The following ZFPM2 variants were observed in gnomAD, a reference collection of about 807,000 sequenced individuals.
The protein encoded by ZFPM2 is zinc finger protein ZFPM2.
ZFPM2 carries 20 observed loss-of-function variants against 98.6 expected under a neutral mutation model. The observed-to-expected ratio is 0.20, with a 90% CI of 0.14 to 0.29. The LOEUF (loss-of-function observed/expected upper bound fraction) is 0.29, where lower values mean the gene tolerates loss of function less well. Among genes scored for constraint, ZFPM2 ranks in the 10% least tolerant of loss-of-function variants. The pLI is 1.00. For synonymous variants in ZFPM2, 518 were observed against 502.7 expected, an observed-to-expected ratio of 1.03 and a Z score of -0.41; for missense variants, 1,310 against 1,388.6, an observed-to-expected ratio of 0.94 and a Z score of 0.90.
intron 6 of ZFPM2, among the ~76,000 whole-genome samples, chr8:105,793,976 G>A (rs779740409): frequency 7.2e-5 from 11 of 152,020 alleles, no homozygotes; most frequent in Admixed American, 3.3e-4. Context: ...TTATACATTC[G>A]TCTAAATTTT....
chr8:105,528,713 A>T (rs761755030), intron 3 of ZFPM2, among the ~76,000 whole-genome samples: 1 of 152,140 alleles, frequency 6.6e-6, no homozygotes, highest in Non-Finnish European at 1.5e-5. Context: ...TGAATTTGAG[A>T]CTATTATACT....
chr8:105,599,003 A>G (rs1458897436), intron 4 of ZFPM2, among the ~76,000 whole-genome samples: 2 of 152,174 alleles, frequency 1.3e-5, no homozygotes, highest in African/African-American at 2.4e-5. Flanking sequence ...ATCAGATTCT[A>G]ATCACACTAG....
chr8:105,635,279 C>G (rs1816824841), intron 5 of ZFPM2, among the ~76,000 whole-genome samples: 2 of 151,868 alleles, frequency 1.3e-5, no homozygotes, highest in African/African-American at 4.8e-5. Flanking sequence ...AAATAAGCAC[C>G]CCATCAATAT....
intron 1 of ZFPM2, among the ~76,000 whole-genome samples, chr8:105,402,439 A>G (rs770414713): frequency 6.6e-6 from 1 of 152,114 alleles, no homozygotes; most frequent in South Asian, 2.1e-4. Context: ...ATTCAATGGT[A>G]TCTGAAAATA....
intron 1 of ZFPM2, among the ~76,000 whole-genome samples, chr8:105,347,561 T>C (rs1376641426): frequency 3.3e-5 from 5 of 152,144 alleles, no homozygotes. Context: ...CATCTAGTAG[T>C]ATGAAGCAGG....
At chr8:105,617,124 T>TAGCCACTG (rs1382840755) in intron 4 of ZFPM2, among the ~76,000 whole-genome samples, 2 of 146,788 alleles carry the variant, frequency 1.4e-5, no homozygotes, top group Non-Finnish European at 3.0e-5. Context: ...CTCTAGAACT[T>TAGCCACTG]AGCCACTGTG....
chr8:105,429,721 C>G (rs1370787035), intron 2 of ZFPM2, among the ~76,000 whole-genome samples: 1 of 144,144 alleles, frequency 6.9e-6, no homozygotes, highest in Non-Finnish European at 1.5e-5. Flanking sequence ...AAAAAATGGA[C>G]AGGGAAAGTA....
At chr8:105,742,379 T>TAA (rs79123129) in intron 5 of ZFPM2, among the ~76,000 whole-genome samples, 42 of 109,758 alleles carry the variant, frequency 3.8e-4, no homozygotes, top group African/African-American at 6.0e-4. Flanking sequence ...TCCTGTCTCT[T>TAA]AAAAAAAAAA....
rs866355057 is a variant in ZFPM2 at position 105,802,084 on chromosome 8, G to A, written c.2002G>A (p.Val668Ile). Residue 668 changes from valine (V) to isoleucine (I), a missense_variant, in exon 8 of 8, where the codon GTT becomes ATT. By Grantham distance (29) the Val-to-Ile change is conservative. Coordinates refer to ENST00000407775, the MANE Select transcript of ZFPM2 (RefSeq NM_012082.4). ...TGATGACAAAATTAATGGAAAACCTGTTGATGTGAAAAATCCCAGTGTCCC... is the reference window on the plus strand; with the variant it reads ...TGATGACAAAATTAATGGAAAACCTATTGATGTGAAAAATCCCAGTGTCCC... ...NNDDKINGKPVDVKNPSVPLV... is the reference protein window; with the variant it reads ...NNDDKINGKPIDVKNPSVPLV... 4 of 1,613,688 alleles carry A rather than the reference G, an allele frequency of 2.5e-6. No individual in the cohort carries two copies. The Admixed American group carries it at 5.0e-5, about 20-fold the overall frequency.
chr8:105,758,253 AATT>A (rs1451803131), intron 5 of ZFPM2, among the ~76,000 whole-genome samples: 1 of 152,100 alleles, frequency 6.6e-6, no homozygotes, highest in African/African-American at 2.4e-5. Context: ...AGCATTCACA[AATT>A]ATGGGATCAA....
At position 105,486,239 on chromosome 8, in the gene ZFPM2, G is replaced by A. The variant is rs189409312; in HGVS notation, c.301+41858G>A. On this transcript the variant is annotated intron_variant, in intron 3 of 7. Coordinates refer to ENST00000407775, the MANE Select transcript of ZFPM2 (RefSeq NM_012082.4). ...TTGGATGTCTAGTCCTAATATTTTA[G>A]TGTTACTACTTGAAACATGATGCGT... 3.3e-5 allele frequency among the ~76,000 whole-genome samples: 5 copies of A among 152,160 alleles called. No homozygotes were observed. The East Asian group carries it at 9.7e-4, about 29-fold the overall frequency.
chr8:105,617,306 C>G (rs762864367), intron 4 of ZFPM2, among the ~76,000 whole-genome samples: 4 of 152,102 alleles, frequency 2.6e-5, no homozygotes, highest in African/African-American at 7.2e-5. Context: ...TTTACTGAGG[C>G]TTCTTTTTGT....
intron 5 of ZFPM2, among the ~76,000 whole-genome samples, chr8:105,703,249 A>G (rs1811179276): frequency 6.6e-6 from 1 of 152,178 alleles, no homozygotes; most frequent in African/African-American, 2.4e-5. Flanking sequence ...TGGAGCACCC[A>G]CTGTCTACTT....
intron 1 of ZFPM2, among the ~76,000 whole-genome samples, chr8:105,366,617 C>G (rs1157135338): frequency 6.6e-6 from 1 of 151,448 alleles, no homozygotes; most frequent in Non-Finnish European, 1.5e-5. Context: ...GCGCTGCACC[C>G]ACTAACTCGT....
intron 3 of ZFPM2, among the ~76,000 whole-genome samples, chr8:105,467,185 T>A (rs1234625867): frequency 3.9e-5 from 6 of 152,248 alleles, no homozygotes; most frequent in Admixed American, 3.9e-4. Flanking sequence ...AACTCTGACC[T>A]TGAGCCCCAC....
chr8:105,721,689 A>G (rs1198996162), intron 5 of ZFPM2, among the ~76,000 whole-genome samples: 1 of 151,962 alleles, frequency 6.6e-6, no homozygotes, highest in East Asian at 1.9e-4. Context: ...AATAGACACA[A>G]TATTCTCTTG....
chr8:105,392,837 TATTAA>T, intron 1 of ZFPM2, among the ~76,000 whole-genome samples: 1 of 152,198 alleles, frequency 6.6e-6, no homozygotes, highest in East Asian at 1.9e-4. Flanking sequence ...TGAGAGATTG[TATTAA>T]ATTTTATCTT....
intron 1 of ZFPM2, among the ~76,000 whole-genome samples, chr8:105,353,636 C>T (rs1277787273): frequency 6.6e-6 from 1 of 152,098 alleles, no homozygotes; most frequent in Admixed American, 6.5e-5. Context: ...AGCTAATTAG[C>T]AATAGTTAGT....
intron 5 of ZFPM2, among the ~76,000 whole-genome samples, chr8:105,734,710 G>A (rs946423566): frequency 2.0e-5 from 3 of 151,902 alleles, no homozygotes; most frequent in African/African-American, 7.2e-5. Flanking sequence ...ATTCTACTTA[G>A]CAAAGCATGT....
Sources: gnomAD v4.1 joint callset for allele counts (sites outside exome capture counted in the v4.1 genomes callset) on GRCh38, gnomAD v4.1.1 for gene constraint, MANE v1.5 for transcripts, NCBI Gene and HGNC (gene_info 2026-07-23, HGNC 2026-07-21) for gene names.